CA10: variants seen among roughly 807,000 people sequenced by gnomAD.
CA10 encodes the protein carbonic anhydrase-related protein 10.
A neutral mutation model predicts 44.2 loss-of-function variants in CA10; 14 were observed. That is an observed-to-expected ratio of 0.32 (90% CI 0.21 to 0.50). The LOEUF is 0.50. Among genes scored for constraint, CA10 ranks in the 20% least tolerant of loss-of-function variants. The probability of loss-of-function intolerance (pLI) is 0.99; values close to 1 mark genes in which losing one functional copy is unlikely to be tolerated. For missense variants in CA10, 350 were observed against 409.7 expected (o/e 0.85, Z 1.26); for synonymous variants, 159 against 141.6 (o/e 1.12, Z -0.87).
chr17:51,849,198 C>T (rs865836538), intron 3 of CA10, among the ~76,000 whole-genome samples: 133 of 24,562 alleles, frequency 5.4e-3, no homozygotes, highest in Admixed American at 7.0e-3. Flanking sequence ...TATATATATA[C>T]ATATATGTAT....
At chr17:51,843,895 A>T (rs1334676421) in intron 3 of CA10, among the ~76,000 whole-genome samples, 1 of 152,156 alleles carries the variant, frequency 6.6e-6, no homozygotes, top group Non-Finnish European at 1.5e-5. Flanking sequence ...GTCATCACTG[A>T]ATTGACCCCT....
intron 3 of CA10, among the ~76,000 whole-genome samples, chr17:51,827,626 TA>T (rs1309586279): frequency 1.3e-5 from 2 of 152,330 alleles, no homozygotes; most frequent in Middle Eastern, 3.4e-3. Context: ...ATGATTGCAT[TA>T]AAGTAGCTAT....
rs1458153833 is a variant in CA10, at chr17:51,897,524, G to A, written c.279+33466C>T. Among the ~76,000 whole-genome samples, 5 of 151,840 alleles carry A rather than the reference G, an allele frequency of 3.3e-5. No individual in the cohort carries two copies. In the East Asian group the frequency reaches 9.7e-4, roughly 29 times the overall value. On this transcript the variant is annotated intron_variant, in intron 3 of 8. Transcript: ENST00000451037. Reference sequence around the variant, plus strand: ...AATGCCTGCAGCTTTGTTCTTTTTGGTTGTGATTGCTTTGCATATTCAGGC... The same window carrying A: ...AATGCCTGCAGCTTTGTTCTTTTTGATTGTGATTGCTTTGCATATTCAGGC...
intron 1 of CA10, among the ~76,000 whole-genome samples, chr17:52,087,610 C>A (rs1988152013): frequency 6.6e-6 from 1 of 152,184 alleles, no homozygotes; most frequent in South Asian, 2.1e-4. Flanking sequence ...GTCTTCAATT[C>A]TGTTCTATAC....
At chr17:52,136,881 T>G (rs1369641305) in intron 1 of CA10, among the ~76,000 whole-genome samples, 1 of 152,108 alleles carries the variant, frequency 6.6e-6, no homozygotes, top group African/African-American at 2.4e-5. Flanking sequence ...TGCACCTAGA[T>G]TAGTGAAAGC....
chr17:52,050,850 T>C (rs1220394903), intron 2 of CA10, among the ~76,000 whole-genome samples: 1 of 152,114 alleles, frequency 6.6e-6, no homozygotes, highest in African/African-American at 2.4e-5. Context: ...TGTAGACTTG[T>C]TTGGTTGATA....
At chr17:51,643,560 G>A (rs1450827578) in intron 6 of CA10, among the ~76,000 whole-genome samples, 1 of 152,114 alleles carries the variant, frequency 6.6e-6, no homozygotes, top group Admixed American at 6.6e-5. Flanking sequence ...GTTTCACTCA[G>A]ACATATGAAA....
chr17:51,998,711 A>G (rs1311091018), intron 2 of CA10, among the ~76,000 whole-genome samples: 5 of 152,000 alleles, frequency 3.3e-5, no homozygotes, highest in Middle Eastern at 3.2e-3. Flanking sequence ...GTCTAGTATT[A>G]AAATCACACT....
intron 6 of CA10, among the ~76,000 whole-genome samples, chr17:51,645,066 G>A (rs1295316423): frequency 6.6e-6 from 1 of 152,102 alleles, no homozygotes; most frequent in Admixed American, 6.5e-5. Flanking sequence ...AAAGTGCTGG[G>A]ATTACAGGTG....
rs1000731831 is a variant in CA10, at chr17:52,072,484, AT to A, written c.62-92del. 39 of 910,296 alleles carry A rather than the reference AT, an allele frequency of 4.3e-5. No homozygotes were observed. In the African/African-American group the frequency reaches 6.2e-4, roughly 14 times the overall value. The allele number at this position is 910,296 out of a possible 1,614,324, so 56.4% of individuals were successfully genotyped here. A position where few individuals can be genotyped will look rare whatever the true frequency, so the allele number is the denominator to read the frequency against. On this transcript the variant is annotated intron_variant, in intron 1 of 8. Coordinates refer to ENST00000451037, the MANE Select transcript of CA10 (RefSeq NM_020178.5). ...AGTAAGAAGGGTGAATATCCATAAA[AT>A]AACCCTTTTCTACCCCAAAGTCATA... is the stretch of plus-strand genomic sequence containing the variant.
chr17:51,909,115 C>A (rs1304179933), intron 3 of CA10, among the ~76,000 whole-genome samples: 1 of 152,164 alleles, frequency 6.6e-6, no homozygotes, highest in East Asian at 1.9e-4. Flanking sequence ...GCTATCTTTC[C>A]ATAGCCACTA....
chr17:51,727,653 A>G (rs550486435), intron 4 of CA10, among the ~76,000 whole-genome samples: 2 of 152,318 alleles, frequency 1.3e-5, no homozygotes, highest in East Asian at 3.9e-4. Context: ...AGCAACTTGC[A>G]AAGTACTTTG....
At chr17:51,699,478 C>T (rs984827135) in intron 4 of CA10, among the ~76,000 whole-genome samples, 1 of 152,104 alleles carries the variant, frequency 6.6e-6, no homozygotes, top group Non-Finnish European at 1.5e-5. Context: ...AGCCCCCAGG[C>T]CTACTAATTC....
chr17:52,136,905 T>C (rs1989372451), intron 1 of CA10, among the ~76,000 whole-genome samples: 1 of 152,182 alleles, frequency 6.6e-6, no homozygotes, highest in Admixed American at 6.5e-5. Context: ...ATGGAGTTGC[T>C]TTGGAAAATA....
intron 3 of CA10, among the ~76,000 whole-genome samples, chr17:51,867,186 G>A (rs574774492): frequency 6.6e-6 from 1 of 152,214 alleles, no homozygotes; most frequent in Non-Finnish European, 1.5e-5. Flanking sequence ...ACTGGGCAGT[G>A]ATGCAGAATT....
At chr17:51,720,554 A>G (rs148863523) in intron 4 of CA10, among the ~76,000 whole-genome samples, 338 of 152,328 alleles carry the variant, frequency 2.2e-3, no homozygotes, top group African/African-American at 7.7e-3. Flanking sequence ...AAAATATGGT[A>G]TATATACACA....
chr17:52,147,676 C>G (rs1989617820), intron 1 of CA10, among the ~76,000 whole-genome samples: 1 of 152,128 alleles, frequency 6.6e-6, no homozygotes, highest in African/African-American at 2.4e-5. Context: ...ATATTCCACT[C>G]TACAGGGGTT....
chr17:52,142,074 C>T (rs1173678503), intron 1 of CA10, among the ~76,000 whole-genome samples: 10 of 152,130 alleles, frequency 6.6e-5, no homozygotes, highest in African/African-American at 2.2e-4. Context: ...ATGAGTAAGC[C>T]ATGTAGGATT....
At chr17:51,730,837 A>G (rs2143558519) in intron 4 of CA10, among the ~76,000 whole-genome samples, 1 of 152,314 alleles carries the variant, frequency 6.6e-6, no homozygotes, top group East Asian at 1.9e-4. Flanking sequence ...TCAGACTTAA[A>G]TATTCAAAAG....
Sources: allele counts gnomAD v4.1 joint callset (sites outside exome capture counted in the v4.1 genomes callset), GRCh38; gene constraint gnomAD v4.1.1; transcripts MANE v1.5; gene names NCBI Gene and HGNC (gene_info 2026-07-23, HGNC 2026-07-21).